Variants in METTL9 observed in about 807,000 individuals in gnomAD.
METTL9 encodes protein-L-histidine N-pros-methyltransferase.
In METTL9, 10 loss-of-function variants were observed where a neutral mutation model predicts 36.0. The ratio of observed to expected loss-of-function variants is 0.28; its 90% CI spans 0.17 to 0.47. The LOEUF (loss-of-function observed/expected upper bound fraction) is 0.47. Among genes scored for constraint, METTL9 ranks in the 20% least tolerant of loss-of-function variants. The probability of loss-of-function intolerance (pLI) is 0.99; values close to 1 mark genes in which losing one functional copy is unlikely to be tolerated. For missense variants in METTL9, 246 were observed against 383.5 expected (o/e 0.64, Z 3.00); for synonymous variants, 175 against 149.7 (o/e 1.17, Z -1.23).
At chr16:21,609,092 C>CCTTCATTGCTTG (rs1965361583) in intron 1 of METTL9, among the ~76,000 whole-genome samples, 2 of 152,130 alleles carry the variant, frequency 1.3e-5, no homozygotes, top group Admixed American at 1.3e-4. Context: ...TTGGTGTCTT[C>CCTTCATTGCTTG]CTTCATTGCT....
intron 4 of METTL9, among the ~76,000 whole-genome samples, chr16:21,635,272 C>G (rs966461206): frequency 5.3e-5 from 8 of 152,074 alleles, no homozygotes; most frequent in African/African-American, 1.9e-4. Flanking sequence ...AAATTCCCCT[C>G]CCCCTACAGC....
intron 3 of METTL9, 40 bp from the exon 4 acceptor site, chr16:21,624,891 A>G: frequency 6.4e-7 from 1 of 1,566,322 alleles, no homozygotes; most frequent in Non-Finnish European, 8.8e-7. Flanking sequence ...ATGTCTTTAG[A>G]GGGACTTTAT....
intron 2 of METTL9, among the ~76,000 whole-genome samples, chr16:21,613,850 A>G (rs1000545942): frequency 1.4e-5 from 2 of 140,468 alleles, no homozygotes; most frequent in African/African-American, 5.4e-5. Context: ...TTTTTTTTCA[A>G]TCCTTTCTTG....
upstream of METTL9, chr16:21,599,502 A>T: frequency 8.2e-7 from 1 of 1,213,592 alleles, no homozygotes; most frequent in Non-Finnish European, 1.0e-6. The surrounding 1 kb of genome is among the most constrained non-coding windows in gnomAD (Gnocchi z 4.4). Flanking sequence ...TCCGGATGGA[A>T]ACTGGTGCAG....
At position 21,621,826 on chromosome 16, in the gene METTL9, C is replaced by G. The variant is rs567716562; in HGVS notation, c.567-3105C>G. The stretch of plus-strand genomic sequence containing the variant: ...TTAGGAATTATCAAAATACAGATTG[C>G]TTATTTCCTAAGTTTAGAGCTCTCC... On this transcript the variant is annotated intron_variant, in intron 3 of 4. Transcript: ENST00000358154. Among the ~76,000 whole-genome samples the G allele has an allele frequency of 3.9e-5, 6 of 151,990 alleles. No individual in the cohort carries two copies. The South Asian group carries it at 1.0e-3, about 26-fold the overall frequency.
intron 4 of METTL9, chr16:21,646,905 C>G: frequency 1.8e-6 from 1 of 542,684 alleles, no homozygotes; most frequent in South Asian, 1.9e-5. Context: ...ATTCGTCCAC[C>G]TCAGCCTCAA....
chr16:21,645,091 A>G (rs755298741), intron 4 of METTL9, among the ~76,000 whole-genome samples: 4 of 152,214 alleles, frequency 2.6e-5, no homozygotes, highest in African/African-American at 7.2e-5. Context: ...TTACCTGACT[A>G]TTTGGAGTAC....
chr16:21,608,068 G>C (rs781259921), intron 1 of METTL9, among the ~76,000 whole-genome samples: 2 of 151,952 alleles, frequency 1.3e-5, no homozygotes, highest in Non-Finnish European at 2.9e-5. Flanking sequence ...AGAATCACTT[G>C]AACCCGGCAG....
At chr16:21,633,116 C>T (rs558601239) in intron 4 of METTL9, among the ~76,000 whole-genome samples, 52 of 152,162 alleles carry the variant, frequency 3.4e-4, no homozygotes, top group Non-Finnish European at 5.6e-4. Context: ...AAGGAACCCC[C>T]GCAACTGTTT....
chr16:21,617,832 G>C, intron 2 of METTL9, 33 bp from the exon 3 acceptor site: 1 of 1,584,562 alleles, frequency 6.3e-7, no homozygotes, highest in Non-Finnish European at 8.7e-7. Flanking sequence ...AATTTGCATA[G>C]ACACTTCCAT....
In METTL9 at chr16:21,599,859, G is replaced by A. The variant is rs748516045; in HGVS notation, c.126G>A (p.Gly42=). The change falls in exon 1 of 5, where the codon GGG becomes GGA. Residue 42 remains glycine (G), a synonymous_variant. Transcript: ENST00000358154. This position sits in a 1 kb window ranked among gnomAD's most constrained non-coding sequence, Gnocchi z 4.4. The part of the protein sequence containing the change: ...LYVNMTSGPG[G]PAAAAGGRKE... ...TGAACATGACTAGCGGCCCGGGTGG[G>A]CCGGCGGCGGCCGCGGGCGGCAGGA... is the stretch of plus-strand genomic sequence containing the variant. The A allele has an allele frequency of 1.5e-5, 23 of 1,492,314 alleles. No individual in the cohort carries two copies. The highest frequency in any genetic ancestry group is 2.0e-5 in the Non-Finnish European group (22 of 1,126,354). 92.4% of individuals were successfully genotyped at this position (1,492,314 alleles called of 1,614,324 possible).
chr16:21,633,734 T>G (rs1398690921), intron 4 of METTL9, among the ~76,000 whole-genome samples: 1 of 152,158 alleles, frequency 6.6e-6, no homozygotes, highest in Non-Finnish European at 1.5e-5. Context: ...AGAATTGAGG[T>G]GTTTCAGGGA....
rs1424413046 is a variant in METTL9 at position 21,655,886 on chromosome 16, A to G, written c.*454A>G. ...TTCATGTTTAGAAATTCTTTCTGTTATTATTCAAGAAAATGTTTTTAATCA... is the reference window on the plus strand; with the variant it reads ...TTCATGTTTAGAAATTCTTTCTGTTGTTATTCAAGAAAATGTTTTTAATCA... On this transcript the variant is annotated 3_prime_UTR_variant, in exon 5 of 5. Coordinates refer to ENST00000358154, the MANE Select transcript of METTL9 (RefSeq NM_016025.5). 5.8e-5 allele frequency: 9 copies of G among 154,644 alleles called. No homozygotes were observed. Among genetic ancestry groups the G allele is most frequent in the Non-Finnish European group, 1.0e-4 (7 of 69,696 alleles). The allele number at this position is 154,644 out of a possible 1,614,324, so 9.6% of individuals were successfully genotyped here.
At chr16:21,620,981 A>G (rs954193447) in intron 3 of METTL9, among the ~76,000 whole-genome samples, 4 of 151,874 alleles carry the variant, frequency 2.6e-5, no homozygotes, top group Non-Finnish European at 4.4e-5. Flanking sequence ...TTATATATAT[A>G]TATTTTTAGA....
chr16:21,634,122 G>T (rs1966028327), intron 4 of METTL9, among the ~76,000 whole-genome samples: 2 of 152,144 alleles, frequency 1.3e-5, no homozygotes, highest in South Asian at 4.1e-4. Flanking sequence ...AGAAATACCT[G>T]GTTACAGGCT....
intron 2 of METTL9, among the ~76,000 whole-genome samples, chr16:21,615,140 A>AT (rs1026553720): frequency 1.3e-5 from 2 of 152,088 alleles, no homozygotes; most frequent in African/African-American, 4.8e-5. Context: ...ATTTTGATTT[A>AT]TTTTTTGACA....
chr16:21,621,999 C>T (rs544587186), intron 3 of METTL9, among the ~76,000 whole-genome samples: 12 of 151,508 alleles, frequency 7.9e-5, no homozygotes, highest in African/African-American at 2.4e-4. Flanking sequence ...CATGCTGCCA[C>T]GCCCAGCTAA....
intron 4 of METTL9, among the ~76,000 whole-genome samples, chr16:21,651,606 C>CT (rs1966577989): frequency 6.6e-6 from 1 of 152,112 alleles, no homozygotes; most frequent in South Asian, 2.1e-4. Context: ...CAGCCCAAAG[C>CT]TTTATTATAT....
At chr16:21,614,996 A>G (rs1597748664) in intron 2 of METTL9, among the ~76,000 whole-genome samples, 2 of 152,090 alleles carry the variant, frequency 1.3e-5, no homozygotes, top group South Asian at 2.1e-4. Context: ...CAGGAAGTCT[A>G]ACTTTTCTGG....
Sources: allele counts gnomAD v4.1 joint callset (sites outside exome capture counted in the v4.1 genomes callset), GRCh38; gene constraint gnomAD v4.1.1; non-coding constraint Gnocchi (gnomAD v3.1); transcripts MANE v1.5; gene names NCBI Gene and HGNC (gene_info 2026-07-23, HGNC 2026-07-21).